The following AP3D1 variants were observed in gnomAD, a reference collection of about 807,000 sequenced individuals.
The protein encoded by AP3D1 is adaptor related protein complex 3 subunit delta 1, also known as AP-3 complex subunit delta-1.
In AP3D1, 51 loss-of-function variants were observed where a neutral mutation model predicts 147.6. The observed-to-expected ratio is 0.35, with a 90% CI of 0.28 to 0.44. The LOEUF is 0.44. Ranked by LOEUF, AP3D1 falls within the 20% of genes least tolerant of loss-of-function variation. The pLI is 1.00. For missense variants in AP3D1, 1,421 were observed against 1,624.2 expected (o/e 0.87, Z 2.15); for synonymous variants, 760 against 663.0 (o/e 1.15, Z -2.25).
At chr19:2,162,130 G>A (rs894072702) in intron 1 of AP3D1, among the ~76,000 whole-genome samples, 2 of 148,958 alleles carry the variant, frequency 1.3e-5, no homozygotes, top group African/African-American at 4.9e-5. Context: ...CTGCCTCCCG[G>A]ACTCAAGTGA....
chr19:2,146,152 T>A (rs553767054), intron 1 of AP3D1, among the ~76,000 whole-genome samples: 1 of 152,122 alleles, frequency 6.6e-6, no homozygotes, highest in Non-Finnish European at 1.5e-5. Flanking sequence ...GCCACCCACG[T>A]CAAGGACCGA....
intron 12 of AP3D1, 78 bp from the exon 13 acceptor site, chr19:2,121,389 C>T (rs960897404): frequency 2.6e-6 from 4 of 1,530,222 alleles, no homozygotes; most frequent in Non-Finnish European, 3.6e-6. Flanking sequence ...ACACCTGCTC[C>T]TGAGACAGAA....
chr19:2,110,708 TG>T lies in AP3D1; in HGVS notation c.3173del (p.Pro1058GlnfsTer53). ...GGCCGTGAGTGGGGCAGGGCTCACC[TG>T]GGGGCAGCTGGAAAGGCACGGGGAC... ...DGVPVPFQLP[P>X]GVSNEAQYVF... On this transcript the variant is annotated frameshift_variant and splice_region_variant, in exon 27 of 32. Coordinates refer to ENST00000643116, the MANE Select transcript of AP3D1 (RefSeq NM_001261826.3). LOFTEE classifies it high-confidence loss of function. 1 of 1,595,262 alleles carries T rather than the reference TG, an allele frequency of 6.3e-7. No individual in the cohort carries two copies. The highest frequency in any genetic ancestry group is 1.1e-5 in the South Asian group (1 of 88,618).
At chr19:2,126,610 G>A (rs909448485) in intron 9 of AP3D1, among the ~76,000 whole-genome samples, 1 of 141,098 alleles carries the variant, frequency 7.1e-6, no homozygotes. Context: ...GCCAAGTTGC[G>A]CCACTGCCCT....
intron 31 of AP3D1, among the ~76,000 whole-genome samples, chr19:2,103,700 G>C (rs1311836248): frequency 2.6e-5 from 4 of 152,134 alleles, no homozygotes; most frequent in Non-Finnish European, 5.9e-5. Context: ...AGGCAGGGGG[G>C]ACTTGCAGCT....
In AP3D1 at chr19:2,109,864, G is replaced by T. The variant is rs1449077970; in HGVS notation, c.3350+9C>A. On this transcript the variant is annotated intron_variant, in intron 29 of 31. Coordinates refer to ENST00000643116, the MANE Select transcript of AP3D1 (RefSeq NM_001261826.3). ...TTCGGGGACATAGGGGAGTGGGCCT[G>T]GGCCCCACCTGTAGCAGGGAGTGGT... The T allele has an allele frequency of 1.2e-6, 2 of 1,612,924 alleles. No homozygotes were observed. Among genetic ancestry groups the T allele is most frequent in the Admixed American group, 1.7e-5 (1 of 60,022 alleles).
chr19:2,112,705 A>G lies in AP3D1; in HGVS notation c.2787+155T>C. ...AAGAAGGTTATTAAAAAAACACAAG[A>G]CCACAACCACAACAAAAGGCCCGTG... On this transcript the variant is annotated intron_variant, in intron 24 of 31. Coordinates refer to ENST00000643116, the MANE Select transcript of AP3D1 (RefSeq NM_001261826.3). The G allele has an allele frequency of 1.2e-5, 7 of 574,300 alleles. No homozygotes were observed. In the South Asian group the frequency reaches 1.4e-4, roughly 11 times the overall value. The allele number at this position is 574,300 out of a possible 1,614,324, so 35.6% of individuals were successfully genotyped here. A position where few individuals can be genotyped will look rare whatever the true frequency, so the allele number is the denominator to read the frequency against.
intron 5 of AP3D1, 77 bp from the exon 6 acceptor site, chr19:2,130,614 CCA>C (rs2018913219): frequency 1.3e-6 from 2 of 1,588,910 alleles, no homozygotes; most frequent in East Asian, 4.5e-5. Context: ...GCCGCCTCCT[CCA>C]CAGAGAGGAG....
intron 8 of AP3D1, among the ~76,000 whole-genome samples, chr19:2,127,715 C>T (rs538474010): frequency 1.1e-4 from 16 of 152,138 alleles, no homozygotes; most frequent in Non-Finnish European, 1.3e-4. Context: ...TAGGTAGAGA[C>T]GGGGTTTCAC....
chr19:2,136,150 C>T (rs117562745), intron 4 of AP3D1, among the ~76,000 whole-genome samples: 2,775 of 152,342 alleles, frequency 0.018, 35 homozygotes, highest in Middle Eastern at 0.048. Flanking sequence ...ATGTCGCCCG[C>T]GGCCCAGGCG....
At chr19:2,109,986 G>A (rs1267151446) in intron 28 of AP3D1, 28 bp from the exon 29 acceptor site, 1 of 1,611,672 alleles carries the variant, frequency 6.2e-7, no homozygotes, top group Middle Eastern at 1.7e-4. Context: ...TGGTGCAGTT[G>A]AGAGGGGAGT....
At chr19:2,121,922 G>A (rs1183527940) in intron 11 of AP3D1, 43 bp from the exon 12 acceptor site, 2 of 1,570,678 alleles carry the variant, frequency 1.3e-6, no homozygotes, top group East Asian at 2.3e-5. Flanking sequence ...ACGGACACAG[G>A]CAGCAGGGTG....
chr19:2,123,930 G>C (rs368965883), intron 9 of AP3D1, 51 bp from the exon 10 acceptor site: 1 of 1,548,634 alleles, frequency 6.5e-7, no homozygotes, highest in South Asian at 1.2e-5. Flanking sequence ...GGCCAGCGCC[G>C]ACACCAACTC....
intron 1 of AP3D1, among the ~76,000 whole-genome samples, chr19:2,157,564 T>G (rs1458653779): frequency 7.0e-6 from 1 of 142,194 alleles, no homozygotes; most frequent in Non-Finnish European, 1.5e-5. Flanking sequence ...CATCTACCCA[T>G]CTACCCATCC....
chr19:2,163,997 A>G (rs866056837), intron 1 of AP3D1, among the ~76,000 whole-genome samples: 1 of 149,454 alleles, frequency 6.7e-6, no homozygotes, highest in Non-Finnish European at 1.5e-5. Context: ...CTGTGACTAC[A>G]AAGAGGGAGT....
chr19:2,121,021 A>G lies in AP3D1; in HGVS notation c.1322T>C (p.Met441Thr). 6.2e-7 allele frequency: 1 copy of G among 1,612,658 alleles called. No individual in the cohort carries two copies. Among genetic ancestry groups the G allele is most frequent in the Non-Finnish European group, 8.5e-7 (1 of 1,179,978 alleles). The change falls in exon 14 of 32, where the codon ATG becomes ACG. Residue 441 changes from methionine (M) to threonine (T), a missense_variant. Transcript: ENST00000643116. The part of the protein sequence containing the change: ...TRHGHLIAAQ[M>T]LDVAIRVKAI... Reference sequence around the variant, plus strand: ...CTTCACGCGGATGGCCACGTCCAGCATTTGGGCGGCGATGAGGTGGCCGTG... The same window carrying G: ...CTTCACGCGGATGGCCACGTCCAGCGTTTGGGCGGCGATGAGGTGGCCGTG...
Position 2,112,932 on chromosome 19 carries a change from C to A in AP3D1, c.2715G>T (p.Lys905Asn). The change falls in exon 24 of 32, where the codon AAG becomes AAT. Residue 905 changes from lysine (K) to asparagine (N), a missense_variant. Physicochemically the swap from Lys to Asn is moderately conservative, Grantham distance 94. Coordinates refer to ENST00000643116, the MANE Select transcript of AP3D1 (RefSeq NM_001261826.3). ...ELSVNTVTTPKDECEDAKTEA... is the reference protein window; with the variant it reads ...ELSVNTVTTPNDECEDAKTEA... ...CCGTCTTGGCGTCCTCACACTCGTC[C>A]TTCGGGGTAGTGACAGTGTTCACAC... 1 of 1,613,220 alleles carries A rather than the reference C, an allele frequency of 6.2e-7. No homozygotes were observed.
chr19:2,153,863 T>C (rs1187441918), upstream of AP3D1, among the ~76,000 whole-genome samples: 10 of 151,900 alleles, frequency 6.6e-5, no homozygotes, highest in Admixed American at 6.6e-4. Flanking sequence ...TCGCCCGAGA[T>C]AGAGTCTTGC....
chr19:2,102,132 G>A lies in AP3D1; in HGVS notation c.*41C>T, dbSNP rs1169950195. On this transcript the variant is annotated 3_prime_UTR_variant, in exon 32 of 32. Coordinates refer to ENST00000643116, the MANE Select transcript of AP3D1 (RefSeq NM_001261826.3). Reference sequence around the variant, plus strand: ...GACACGTCAGGGCTGCGGTCCCTGGGTACGTGCTCCGCGGGGTGGTGCGGG... The same window carrying A: ...GACACGTCAGGGCTGCGGTCCCTGGATACGTGCTCCGCGGGGTGGTGCGGG... 7 of 1,526,096 alleles carry A rather than the reference G, an allele frequency of 4.6e-6. No homozygotes were observed. The Admixed American group carries it at 1.0e-4, about 22-fold the overall frequency. 94.5% of individuals were successfully genotyped at this position (1,526,096 alleles called of 1,614,324 possible). A position where few individuals can be genotyped will look rare whatever the true frequency, so the allele number is the denominator to read the frequency against.
Sources: gnomAD v4.1 joint callset for allele counts (sites outside exome capture counted in the v4.1 genomes callset) on GRCh38, gnomAD v4.1.1 for gene constraint, MANE v1.5 for transcripts, NCBI Gene and HGNC (gene_info 2026-07-23, HGNC 2026-07-21) for gene names.